Variants in C10orf143 observed in about 807,000 individuals in gnomAD.
C10orf143 encodes uncharacterized protein C10orf143.
At chr10:130,095,624 C>T (rs1002014199) in intron 1 of C10orf143, among the ~76,000 whole-genome samples, 64 of 152,126 alleles carry the variant, frequency 4.2e-4, no homozygotes, top group African/African-American at 1.5e-3. Context: ...ACAGGGGCCT[C>T]AGAAATAACG....
intron 1 of C10orf143, among the ~76,000 whole-genome samples, chr10:130,084,732 T>G (rs1207792733): frequency 1.3e-5 from 2 of 152,138 alleles, no homozygotes; most frequent in Non-Finnish European, 2.9e-5. Context: ...GTAGCAAGAT[T>G]ACACTTATCA....
At chr10:130,082,661 A>G (rs561606616) in intron 1 of C10orf143, among the ~76,000 whole-genome samples, 1 of 152,348 alleles carries the variant, frequency 6.6e-6, no homozygotes, top group East Asian at 1.9e-4. Context: ...CCAGGCACAC[A>G]GAACTTTGAG....
intron 3 of C10orf143, among the ~76,000 whole-genome samples, chr10:130,037,143 T>C (rs1001187490): frequency 9.2e-5 from 14 of 152,122 alleles, no homozygotes; most frequent in African/African-American, 3.4e-4. Context: ...TTGGAGAAAG[T>C]CTGGGTGGGG....
chr10:130,107,532 T>C (rs763801338), intron 1 of C10orf143: 1 of 1,347,708 alleles, frequency 7.4e-7, no homozygotes, highest in South Asian at 1.2e-5. Flanking sequence ...ATAAAACTTC[T>C]AAAAAAAGAT....
chr10:130,075,987 G>GTT (rs11374857), intron 3 of C10orf143, among the ~76,000 whole-genome samples: 20,588 of 132,992 alleles, frequency 0.15, 2,248 homozygotes, highest in Non-Finnish European at 0.23. Context: ...TTGTTTGTTT[G>GTT]TTTGTTTTTT....
intron 3 of C10orf143, chr10:130,066,045 A>T (rs920400078): frequency 1.3e-5 from 2 of 152,178 alleles, no homozygotes; most frequent in African/African-American, 4.8e-5. Flanking sequence ...AAAAACAGCT[A>T]TTCACTGAGG....
chr10:130,092,483 C>T (rs564092096), intron 1 of C10orf143, among the ~76,000 whole-genome samples: 23 of 152,244 alleles, frequency 1.5e-4, no homozygotes, highest in Non-Finnish European at 2.9e-4. Context: ...TAAAGACCAT[C>T]GACAGTATGA....
chr10:130,082,118 T>C (rs970078983), intron 1 of C10orf143, among the ~76,000 whole-genome samples: 3 of 151,864 alleles, frequency 2.0e-5, no homozygotes, highest in Admixed American at 6.6e-5. Context: ...TCAAAATATA[T>C]ATGAAAGTTT....
At chr10:130,105,739 C>G (rs952767217) in intron 1 of C10orf143, among the ~76,000 whole-genome samples, 27 of 152,176 alleles carry the variant, frequency 1.8e-4, no homozygotes, top group African/African-American at 4.6e-4. Context: ...CCCCTCCCCC[C>G]CCAAACAAAA....
At chr10:130,042,032 C>T (rs960881769) in intron 3 of C10orf143, among the ~76,000 whole-genome samples, 4 of 152,096 alleles carry the variant, frequency 2.6e-5, no homozygotes. Flanking sequence ...TTCATACATA[C>T]CCAAATATGC....
At chr10:130,086,351 C>T (rs976110065) in intron 1 of C10orf143, among the ~76,000 whole-genome samples, 1 of 152,186 alleles carries the variant, frequency 6.6e-6, no homozygotes, top group Non-Finnish European at 1.5e-5. Flanking sequence ...CTCCTATGTA[C>T]ACTAGTTAAA....
intron 4 of C10orf143, among the ~76,000 whole-genome samples, chr10:130,035,368 T>C (rs1482311699): frequency 6.6e-6 from 1 of 152,212 alleles, no homozygotes; most frequent in African/African-American, 2.4e-5. Context: ...ATTTAACCTT[T>C]GTTACTTTTA....
rs1590002916 is a variant in C10orf143, at chr10:130,045,748, G to GT, written c.298-9779_298-9778insA. Among the ~76,000 whole-genome samples the GT allele has an allele frequency of 2.0e-5, 3 of 152,224 alleles. No individual in the cohort carries two copies. In the East Asian group the frequency reaches 5.8e-4, roughly 29 times the overall value. On this transcript the variant is annotated intron_variant and NMD_transcript_variant, in intron 3 of 5. Coordinates refer to the C10orf143 transcript ENST00000643056. Reference sequence around the variant, plus strand: ...CACAGCCACGTCCCGCCACGCGGGCGGGAAAACGTGGAAGCAAATGCGATT... The same window carrying GT: ...CACAGCCACGTCCCGCCACGCGGGCGTGGAAAACGTGGAAGCAAATGCGATT...
chr10:130,107,583 A>G (rs1383037886), intron 1 of C10orf143: 2 of 1,346,336 alleles, frequency 1.5e-6, no homozygotes, highest in South Asian at 1.2e-5. Context: ...TTTGGCAGAG[A>G]GCATTCCCCA....
intron 1 of C10orf143, chr10:130,106,608 C>T: frequency 1.4e-6 from 2 of 1,412,164 alleles, no homozygotes; most frequent in East Asian, 2.3e-5. Flanking sequence ...TCACAAGTAG[C>T]TGAAGCCAAA....
downstream of C10orf143, among the ~76,000 whole-genome samples, chr10:130,059,728 A>AAG (rs1008613140): frequency 8.6e-4 from 130 of 151,470 alleles, no homozygotes; most frequent in Middle Eastern, 3.4e-3. Flanking sequence ...GTGGAGGGGA[A>AAG]AGAGAGAGAG....
intron 3 of C10orf143, among the ~76,000 whole-genome samples, chr10:130,054,067 A>T (rs1860769992): frequency 6.6e-6 from 1 of 152,308 alleles, no homozygotes; most frequent in Admixed American, 6.5e-5. Flanking sequence ...GCAGAGTTTT[A>T]AGTGTACAAC....
intron 3 of C10orf143, among the ~76,000 whole-genome samples, chr10:130,058,744 T>C (rs671799): frequency 0.6 from 90,448 of 151,846 alleles, 27,256 homozygotes; most frequent in Admixed American, 0.67. Context: ...GTGTAAGTCT[T>C]AATACTGTAA....
intron 1 of C10orf143, among the ~76,000 whole-genome samples, chr10:130,084,558 GTGGTGT>G (rs1861260094): frequency 6.6e-6 from 1 of 152,184 alleles, no homozygotes; most frequent in Non-Finnish European, 1.5e-5. Context: ...AATGAACCCA[GTGGTGT>G]TGCATTAGAA....
Sources: allele counts gnomAD v4.1 joint callset (sites outside exome capture counted in the v4.1 genomes callset), GRCh38; gene constraint gnomAD v4.1.1; transcripts MANE v1.5; gene names NCBI Gene and HGNC (gene_info 2026-07-23, HGNC 2026-07-21).